PLSCR3: variants seen among roughly 807,000 people sequenced by gnomAD.
The protein encoded by PLSCR3 is PL scramblase 3.
A neutral mutation model predicts 33.7 loss-of-function variants in PLSCR3; 17 were observed. The ratio of observed to expected loss-of-function variants is 0.50; its 90% CI spans 0.35 to 0.76. The LOEUF (loss-of-function observed/expected upper bound fraction) is 0.76. Ranked by LOEUF, PLSCR3 falls within the 30% of genes least tolerant of loss-of-function variation. The pLI is 0.01. For missense variants in PLSCR3, 360 were observed against 394.1 expected (o/e 0.91, Z 0.73); for synonymous variants, 166 against 166.0 (o/e 1.00, Z 0.00).
chr17:7,392,566 G>T (rs942740684), intron 6 of PLSCR3, among the ~76,000 whole-genome samples: 2 of 152,140 alleles, frequency 1.3e-5, no homozygotes, highest in Non-Finnish European at 2.9e-5. Context: ...AGGGCCACTT[G>T]TAATAATCAG....
chr17:7,390,740 C>A lies in PLSCR3; in HGVS notation c.725G>T (p.Gly242Val). Residue 242 changes from glycine to valine, a missense_variant, in exon 7 of 8, where the codon GGC becomes GTC. Gly to Val is a moderately radical substitution (Grantham distance 109). Transcript: ENST00000619711. ...SVGRISKQWG[G>V]LVREALTDAD... ...ATCTGTGAGGGCTTCTCGGACCAGG[C>A]CCCCCCACTGCTTGCTGATGCGGCC... The A allele has an allele frequency of 1.6e-5, 26 of 1,613,928 alleles. No individual in the cohort carries two copies. Among genetic ancestry groups the A allele is most frequent in the Non-Finnish European group, 2.2e-5 (26 of 1,179,918 alleles).
intron 5 of PLSCR3, 92 bp downstream of exon 5, chr17:7,393,052 A>G: frequency 1.3e-6 from 2 of 1,500,354 alleles, no homozygotes; most frequent in South Asian, 2.6e-5. Flanking sequence ...CCACCTGCCC[A>G]CTCCCACCTG....
At chr17:7,393,960 C>A in intron 2 of PLSCR3, 124 bp from the exon 3 acceptor site, 1 of 1,137,582 alleles carries the variant, frequency 8.8e-7, no homozygotes. Flanking sequence ...AAAGATGGGG[C>A]AGGGGAGCAG....
Position 7,393,366 on chromosome 17 carries a change from T to C in PLSCR3, c.287-2A>G. On this transcript the variant is annotated splice_acceptor_variant, in intron 4 of 7. Transcript: ENST00000619711. LOFTEE classifies it high-confidence loss of function. Reference sequence around the variant, plus strand: ...TACAGGTCTCCCAGCCTAGGAACGCTGCCCGAGGTGACACGGGGAGACTCG... The same window carrying C: ...TACAGGTCTCCCAGCCTAGGAACGCCGCCCGAGGTGACACGGGGAGACTCG... 1 of 1,613,576 alleles carries C rather than the reference T, an allele frequency of 6.2e-7. No homozygotes were observed. The highest frequency in any genetic ancestry group is 8.5e-7 in the Non-Finnish European group (1 of 1,179,962).
chr17:7,394,230 G>A lies in PLSCR3; in HGVS notation c.-120C>T. The A allele has an allele frequency of 1.1e-6, 1 of 937,102 alleles. No individual in the cohort carries two copies. The highest frequency in any genetic ancestry group is 1.6e-6 in the Non-Finnish European group (1 of 606,444). The allele number at this position is 937,102 out of a possible 1,614,324, so 58.0% of individuals were successfully genotyped here. On this transcript the variant is annotated 5_prime_UTR_variant, in exon 2 of 8. Coordinates refer to ENST00000619711, the MANE Select transcript of PLSCR3 (RefSeq NM_020360.4). The surrounding 1 kb of genome is among the most constrained non-coding windows in gnomAD (Gnocchi z 5.3). ...CAGACACAAAGACGGAGAGGCAGCT[G>A]CGCCCGGCGCCGGCCCAGGGTCTCT...
Position 7,393,501 on chromosome 17 carries a change from C to T in PLSCR3, c.252G>A (p.Gln84=). ...GCTCAGCCTTCTGGTGAATCAAAAT[C>T]TGATCAATCTGGAAAGAGAGGGGCG... The part of the protein sequence containing the change: ...SGLEFLVQID[Q]ILIHQKAERV... The change falls in exon 4 of 8, where the codon CAG becomes CAA. Residue 84 remains glutamine (Q), a synonymous_variant. Coordinates refer to ENST00000619711, the MANE Select transcript of PLSCR3 (RefSeq NM_020360.4). 1.2e-6 allele frequency: 2 copies of T among 1,614,184 alleles called. No homozygotes were observed. Among genetic ancestry groups the T allele is most frequent in the Non-Finnish European group, 1.7e-6 (2 of 1,180,020 alleles).
rs1159859990 is a variant in PLSCR3 at position 7,392,809 on chromosome 17, G to C, written c.651C>G (p.Gly217=). ...CTGATACCTCAAAGTTGGTGTCTGT[G>C]CCACAGCCACAGGTCCAGCAGGGCC... The part of the protein sequence containing the change: ...VVGPCWTCGC[G]TDTNFEVKTR... Residue 217 remains glycine, a synonymous_variant, in exon 6 of 8, where the codon GGC becomes GGG. Coordinates refer to ENST00000619711, the MANE Select transcript of PLSCR3 (RefSeq NM_020360.4). 1.9e-6 allele frequency: 3 copies of C among 1,613,856 alleles called. No individual in the cohort carries two copies. The African/African-American group carries it at 4.0e-5, about 22-fold the overall frequency.
chr17:7,393,985 G>T, intron 2 of PLSCR3, 119 bp downstream of exon 2: 1 of 1,261,228 alleles, frequency 7.9e-7, no homozygotes, highest in Non-Finnish European at 1.1e-6. Context: ...GAGGTTCCCC[G>T]GAAGGAAGGG....
In PLSCR3 at chr17:7,390,744, C is replaced by G. The variant is rs758246934; in HGVS notation, c.721G>C (p.Gly241Arg). 2.5e-6 allele frequency: 4 copies of G among 1,614,032 alleles called. No individual in the cohort carries two copies. Among genetic ancestry groups the G allele is most frequent in the African/African-American group, 1.3e-5 (1 of 74,910 alleles). Reference sequence around the variant, plus strand: ...GTGAGGGCTTCTCGGACCAGGCCCCCCCACTGCTTGCTGATGCGGCCCACA... The same window carrying G: ...GTGAGGGCTTCTCGGACCAGGCCCCGCCACTGCTTGCTGATGCGGCCCACA... ...RSVGRISKQW[G>R]GLVREALTDA... The change falls in exon 7 of 8, where the codon GGG becomes CGG. Residue 241 changes from glycine (G) to arginine (R), a missense_variant. By Grantham distance (125) the Gly-to-Arg change is moderately radical (BLOSUM62 -2). Coordinates refer to ENST00000619711, the MANE Select transcript of PLSCR3 (RefSeq NM_020360.4).
chr17:7,394,337 G>A lies in PLSCR3; in HGVS notation c.-157-70C>T, dbSNP rs1196687899. 1.7e-5 allele frequency: 9 copies of A among 516,156 alleles called. No individual in the cohort carries two copies. Among genetic ancestry groups the A allele is most frequent in the East Asian group, 6.2e-5 (2 of 32,242 alleles). The allele number at this position is 516,156 out of a possible 1,614,324, so 32.0% of individuals were successfully genotyped here. On this transcript the variant is annotated intron_variant, in intron 1 of 7. Coordinates refer to ENST00000619711, the MANE Select transcript of PLSCR3 (RefSeq NM_020360.4). This position sits in a 1 kb window ranked among gnomAD's most constrained non-coding sequence, Gnocchi z 5.3. ...CCTGGGACCCTGGATTCCCTCGGGG[G>A]CCCCAGAACCGCCCCCTCCCTTTGT...
intron 7 of PLSCR3, 28 bp from the exon 8 acceptor site, chr17:7,390,469 A>T (rs781672746): frequency 6.3e-7 from 1 of 1,587,014 alleles, no homozygotes; most frequent in Non-Finnish European, 8.6e-7. Flanking sequence ...TCAATGGGAG[A>T]TCCGGCTGGG....
At chr17:7,392,982 C>A in intron 5 of PLSCR3, 30 bp from the exon 6 acceptor site, 5 of 1,591,452 alleles carry the variant, frequency 3.1e-6, no homozygotes, top group Non-Finnish European at 4.3e-6. Flanking sequence ...AGGGTCACTG[C>A]GGAGGCAGGG....
Position 7,392,929 on chromosome 17 carries a change from G to T in PLSCR3, c.531C>A (p.Gly177=), listed in dbSNP as rs764090024. Residue 177 remains glycine (G), a synonymous_variant, in exon 6 of 8, where the codon GGC becomes GGA. Coordinates refer to ENST00000619711, the MANE Select transcript of PLSCR3 (RefSeq NM_020360.4). ...TCTGTAGCACGTGGCCAATGGTGGT[G>T]CCTGGTGGAGCCTGTACTTCCATCT... is the stretch of plus-strand genomic sequence containing the variant. ...LQEMEVQAPP[G]TTIGHVLQTW... 1.5e-5 allele frequency: 25 copies of T among 1,613,084 alleles called. No individual in the cohort carries two copies. The highest frequency in any genetic ancestry group is 2.7e-5 in the African/African-American group (2 of 74,914).
Position 7,390,041 on chromosome 17 carries a change from C to T in PLSCR3, c.*344G>A, listed in dbSNP as rs1255625640. On this transcript the variant is annotated 3_prime_UTR_variant, in exon 8 of 8. Transcript: ENST00000619711. Reference sequence around the variant, plus strand: ...TGCAGCTTGCCCTTCCACACCCCAGCCCTCTTGTAAAACCCCAGAGTCCTG... The same window carrying T: ...TGCAGCTTGCCCTTCCACACCCCAGTCCTCTTGTAAAACCCCAGAGTCCTG... The T allele has an allele frequency of 4.4e-6, 1 of 226,116 alleles. No individual in the cohort carries two copies. Among genetic ancestry groups the T allele is most frequent in the Non-Finnish European group, 8.8e-6 (1 of 113,198 alleles). 14.0% of individuals were successfully genotyped at this position (226,116 alleles called of 1,614,324 possible). A position where few individuals can be genotyped will look rare whatever the true frequency, so the allele number is the denominator to read the frequency against.
In PLSCR3 at chr17:7,394,180, GGA is replaced by G. The variant is rs1905988750; in HGVS notation, c.-72_-71del. ...TAGTTCTGGAAGCGGAGGCAAACTC[GGA>G]GATAGCCAGACAGACACAGAGACAG... is the stretch of plus-strand genomic sequence containing the variant. On this transcript the variant is annotated 5_prime_UTR_variant, in exon 2 of 8. Transcript: ENST00000619711. The surrounding 1 kb of genome is among the most constrained non-coding windows in gnomAD (Gnocchi z 5.3). The G allele has an allele frequency of 6.9e-7, 1 of 1,451,240 alleles. No homozygotes were observed. Among genetic ancestry groups the G allele is most frequent in the Admixed American group, 1.7e-5 (1 of 58,404 alleles). The allele number at this position is 1,451,240 out of a possible 1,614,324, so 89.9% of individuals were successfully genotyped here. A position where few individuals can be genotyped will look rare whatever the true frequency, so the allele number is the denominator to read the frequency against.
At chr17:7,392,150 A>C (rs1025937589) in intron 6 of PLSCR3, among the ~76,000 whole-genome samples, 1 of 152,024 alleles carries the variant, frequency 6.6e-6, no homozygotes, top group African/African-American at 2.4e-5. Flanking sequence ...ATGCCATAGC[A>C]CTCCCACCTG....
At chr17:7,390,845 C>T (rs766140925) in intron 6 of PLSCR3, 50 bp from the exon 7 acceptor site, 1 of 1,585,250 alleles carries the variant, frequency 6.3e-7, no homozygotes. Context: ...GGCAGCCAGT[C>T]TCACCTGCTC....
rs1231128221 is a variant in PLSCR3, at chr17:7,390,132, TG to T, written c.*252del. 5.2e-5 allele frequency: 23 copies of T among 439,784 alleles called. No homozygotes were observed. Among genetic ancestry groups the T allele is most frequent in the Non-Finnish European group, 3.7e-5 (9 of 244,852 alleles). The allele number at this position is 439,784 out of a possible 1,614,324, so 27.2% of individuals were successfully genotyped here. On this transcript the variant is annotated 3_prime_UTR_variant, in exon 8 of 8. Coordinates refer to ENST00000619711, the MANE Select transcript of PLSCR3 (RefSeq NM_020360.4). ...GGTGGGAGAGAGTGCATGGGGAAAG[TG>T]TGAAAGCTGATATGCCTGTGTGCCG...
rs764090024 is a variant in PLSCR3 at position 7,392,929 on chromosome 17, G to A, written c.531C>T (p.Gly177=). 2.5e-6 allele frequency: 4 copies of A among 1,613,202 alleles called. No homozygotes were observed. The highest frequency in any genetic ancestry group is 3.4e-6 in the Non-Finnish European group (4 of 1,179,406). ...LQEMEVQAPP[G]TTIGHVLQTW... ...TCTGTAGCACGTGGCCAATGGTGGT[G>A]CCTGGTGGAGCCTGTACTTCCATCT... The change falls in exon 6 of 8, where the codon GGC becomes GGT. Residue 177 remains glycine (G), a synonymous_variant. Coordinates refer to ENST00000619711, the MANE Select transcript of PLSCR3 (RefSeq NM_020360.4).
Sources: allele counts gnomAD v4.1 joint callset (sites outside exome capture counted in the v4.1 genomes callset), GRCh38; gene constraint gnomAD v4.1.1; non-coding constraint Gnocchi (gnomAD v3.1); transcripts MANE v1.5; gene names NCBI Gene and HGNC (gene_info 2026-07-23, HGNC 2026-07-21).